SERPINA12: variants seen among roughly 807,000 people sequenced by gnomAD.
The protein encoded by SERPINA12 is serpin A12.
Under a neutral mutation model 25.9 loss-of-function variants are expected in SERPINA12, and 21 were observed. The observed-to-expected ratio is 0.81, with a 90% CI of 0.58 to 1.17. The LOEUF (loss-of-function observed/expected upper bound fraction) is 1.17. Ranked by LOEUF, SERPINA12 falls within the 50% of genes most tolerant of loss-of-function variation. The pLI, the probability that SERPINA12 is intolerant of heterozygous loss-of-function variation, is 0.00. For missense variants in SERPINA12, 562 were observed against 508.3 expected (o/e 1.11, Z -1.02); for synonymous variants, 220 against 196.0 (o/e 1.12, Z -1.02).
At chr14:94,492,375 G>T (rs138787022) in intron 3 of SERPINA12, among the ~76,000 whole-genome samples, 1 of 152,272 alleles carries the variant, frequency 6.6e-6, no homozygotes, top group Non-Finnish European at 1.5e-5. Context: ...CTTTTATGTT[G>T]GGAAAAATAA....
chr14:94,494,749 A>G (rs1012808), intron 3 of SERPINA12, among the ~76,000 whole-genome samples: 40,507 of 152,150 alleles, frequency 0.27, 7,449 homozygotes, highest in African/African-American at 0.52. Flanking sequence ...GCATTTGGAT[A>G]TGTTTTCTGT....
At chr14:94,506,795 ACTT>A (rs1159330015) in intron 1 of SERPINA12, among the ~76,000 whole-genome samples, 1 of 152,174 alleles carries the variant, frequency 6.6e-6, no homozygotes, top group Non-Finnish European at 1.5e-5. Context: ...GCCTTTAAGA[ACTT>A]CTCTCCAGGG....
intron 2 of SERPINA12, among the ~76,000 whole-genome samples, chr14:94,515,063 A>G (rs1818506977): frequency 6.6e-6 from 1 of 152,154 alleles, no homozygotes; most frequent in African/African-American, 2.4e-5. Flanking sequence ...GCTGAGTTGG[A>G]CACCTGGGTC....
chr14:94,491,328 C>T (rs1041588784), intron 3 of SERPINA12, among the ~76,000 whole-genome samples: 1 of 152,128 alleles, frequency 6.6e-6, no homozygotes, highest in African/African-American at 2.4e-5. Flanking sequence ...AGGATTGGTC[C>T]AAAGTTTGAG....
Position 94,502,816 on chromosome 14 carries a change from C to A in SERPINA12, c.-33-4386G>T, listed in dbSNP as rs1002324104. On this transcript the variant is annotated intron_variant, in intron 1 of 4. Transcript: ENST00000677451. The stretch of plus-strand genomic sequence containing the variant: ...TCAGGCAACCAGTGTGTTGCCTCCT[C>A]ATCGGGGAGATGCTTCCTACACTTG... Among the ~76,000 whole-genome samples the A allele has an allele frequency of 2.6e-5, 4 of 152,344 alleles. No individual in the cohort carries two copies. The East Asian group carries it at 5.8e-4, about 22-fold the overall frequency.
Position 94,497,142 on chromosome 14 carries a change from T to C in SERPINA12, c.635-499A>G, listed in dbSNP as rs184640293. Among the ~76,000 whole-genome samples the C allele has an allele frequency of 1.4e-4, 21 of 152,370 alleles. 1 individual carries two copies. The highest frequency in any genetic ancestry group is 5.1e-4 in the African/African-American group (21 of 41,580). ...ACCTATTTTGGCCAACCTGTTTGTG[T>C]ACATGTGTTCTGTGTGGTGTTGGGG... On this transcript the variant is annotated intron_variant, in intron 2 of 4. Transcript: ENST00000677451.
chr14:94,509,886 A>G (rs1901063647), upstream of SERPINA12: 13 of 729,002 alleles, frequency 1.8e-5, no homozygotes, highest in Non-Finnish European at 2.2e-5. Flanking sequence ...CGTCCACCCC[A>G]GATTCCTTCC....
At chr14:94,501,105 A>G (rs2139856890) in intron 1 of SERPINA12, 1 of 985,350 alleles carries the variant, frequency 1.0e-6, no homozygotes, top group Non-Finnish European at 1.2e-6. Flanking sequence ...AGAAATTAGT[A>G]AAATTCCCAA....
At chr14:94,511,269 A>G (rs563559619), upstream of SERPINA12, 19 of 294,088 alleles carry the variant, frequency 6.5e-5, no homozygotes, top group East Asian at 3.0e-3. Flanking sequence ...ATATATACAC[A>G]CACACATTTA....
intron 4 of SERPINA12, 144 bp downstream of exon 4, chr14:94,489,476 G>T (rs1420687779): frequency 2.3e-5 from 19 of 843,406 alleles, no homozygotes; most frequent in Non-Finnish European, 3.4e-5. Flanking sequence ...TCACGGGGTT[G>T]GTAAGGGGCA....
chr14:94,507,438 G>A (rs556718969), intron 1 of SERPINA12, among the ~76,000 whole-genome samples: 4 of 152,202 alleles, frequency 2.6e-5, no homozygotes, highest in South Asian at 2.1e-4. Context: ...GCTGGGAGTG[G>A]TACGTGTAAT....
At chr14:94,492,893 C>G (rs1324459233) in intron 3 of SERPINA12, among the ~76,000 whole-genome samples, 2 of 152,228 alleles carry the variant, frequency 1.3e-5, no homozygotes, top group Non-Finnish European at 2.9e-5. Flanking sequence ...GAAATCAGAG[C>G]AGCACCTGGC....
At chr14:94,512,096 AAAAAC>A (rs370184681), upstream of SERPINA12, among the ~76,000 whole-genome samples, 107 of 149,168 alleles carry the variant, frequency 7.2e-4, 2 homozygotes, top group East Asian at 0.017. Flanking sequence ...ACTCCATCTC[AAAAAC>A]AAAACAAAAC....
chr14:94,494,843 G>A (rs962754007), intron 3 of SERPINA12, among the ~76,000 whole-genome samples: 11 of 152,144 alleles, frequency 7.2e-5, no homozygotes, highest in African/African-American at 2.7e-4. Flanking sequence ...CCATAGATGA[G>A]AAGACCAGGT....
chr14:94,513,697 T>C (rs1242740688), upstream of SERPINA12, among the ~76,000 whole-genome samples: 1 of 152,196 alleles, frequency 6.6e-6, no homozygotes, highest in Non-Finnish European at 1.5e-5. Context: ...ACCAATGGCT[T>C]TCATTTTCCT....
At chr14:94,511,730 A>G, upstream of SERPINA12, 1 of 985,276 alleles carries the variant, frequency 1.0e-6, no homozygotes, top group Non-Finnish European at 1.2e-6. Context: ...AAGCAGATTG[A>G]ATGTCTATAA....
At chr14:94,512,107 A>G (rs561153895), upstream of SERPINA12, among the ~76,000 whole-genome samples, 1 of 152,108 alleles carries the variant, frequency 6.6e-6, no homozygotes, top group Non-Finnish European at 1.5e-5. Flanking sequence ...AAAACAAAAC[A>G]AAACAAAACA....
At chr14:94,494,258 C>G (rs1595688141) in intron 3 of SERPINA12, among the ~76,000 whole-genome samples, 1 of 152,184 alleles carries the variant, frequency 6.6e-6, no homozygotes, top group Non-Finnish European at 1.5e-5. Flanking sequence ...TCTGTGAACT[C>G]TAAAAATCTG....
chr14:94,499,776 A>T (rs1348533595), intron 1 of SERPINA12, among the ~76,000 whole-genome samples: 3 of 152,184 alleles, frequency 2.0e-5, no homozygotes, highest in African/African-American at 4.8e-5. Flanking sequence ...GAAGGAGCCA[A>T]GGTGACATCT....
Sources: allele counts gnomAD v4.1 joint callset (sites outside exome capture counted in the v4.1 genomes callset), GRCh38; gene constraint gnomAD v4.1.1; transcripts MANE v1.5; gene names NCBI Gene and HGNC (gene_info 2026-07-23, HGNC 2026-07-21).